Variants in SPECC1L observed in about 807,000 individuals in gnomAD.
SPECC1L encodes the protein sperm antigen with calponin homology and coiled-coil domains 1 like.
A neutral mutation model predicts 116.8 loss-of-function variants in SPECC1L; 40 were observed. The ratio of observed to expected loss-of-function variants is 0.34; its 90% CI spans 0.27 to 0.45. SPECC1L has a LOEUF of 0.45. Among genes scored for constraint, SPECC1L ranks in the 20% least tolerant of loss-of-function variants. The pLI is 1.00. For synonymous variants in SPECC1L, 504 were observed against 500.6 expected, an observed-to-expected ratio of 1.01 and a Z score of -0.09; for missense variants, 1,110 against 1,373.6, an observed-to-expected ratio of 0.81 and a Z score of 3.03.
intron 14 of SPECC1L, among the ~76,000 whole-genome samples, chr22:24,393,338 G>A (rs1383869988): frequency 6.6e-6 from 1 of 152,198 alleles, no homozygotes; most frequent in Admixed American, 6.5e-5. Context: ...GGCAATATGA[G>A]GGTGAGATTA....
At chr22:24,413,893 G>A (rs1420873969) in intron 16 of SPECC1L, among the ~76,000 whole-genome samples, 1 of 152,114 alleles carries the variant, frequency 6.6e-6, no homozygotes, top group Non-Finnish European at 1.5e-5. Flanking sequence ...GGCCCCTTGG[G>A]TCACTCCCCG....
chr22:24,349,051 G>GT (rs1360664292), intron 11 of SPECC1L, among the ~76,000 whole-genome samples: 1 of 146,866 alleles, frequency 6.8e-6, no homozygotes, highest in East Asian at 2.0e-4. Flanking sequence ...TTTTTTCTTT[G>GT]TTTTTTTGAG....
chr22:24,383,873 G>A (rs998743334), intron 14 of SPECC1L, among the ~76,000 whole-genome samples: 2 of 133,268 alleles, frequency 1.5e-5, no homozygotes, highest in East Asian at 2.2e-4. Context: ...GGCTGGTCTC[G>A]AACTCCAGAC....
intron 4 of SPECC1L, among the ~76,000 whole-genome samples, chr22:24,317,013 G>A (rs1224750093): frequency 8.2e-6 from 1 of 122,628 alleles, no homozygotes; most frequent in Non-Finnish European, 1.8e-5. Flanking sequence ...CCTCCTGGAC[G>A]GGGCGGCTGG....
intron 2 of SPECC1L, among the ~76,000 whole-genome samples, chr22:24,300,422 C>A (rs1445908858): frequency 1.3e-5 from 2 of 152,104 alleles, no homozygotes; most frequent in Non-Finnish European, 2.9e-5. Flanking sequence ...CTATTGTAAA[C>A]AGTGCTGCAA....
chr22:24,276,496 A>T (rs1233679004), intron 1 of SPECC1L, among the ~76,000 whole-genome samples: 1 of 152,024 alleles, frequency 6.6e-6, no homozygotes, highest in Non-Finnish European at 1.5e-5. Flanking sequence ...TGCTGGACCC[A>T]GTGGTGCGCA....
intron 10 of SPECC1L, among the ~76,000 whole-genome samples, chr22:24,345,546 C>T (rs2041274436): frequency 6.6e-6 from 1 of 152,050 alleles, no homozygotes. Context: ...ATACATTTAC[C>T]TAACAAAGAT....
At chr22:24,339,988 T>C (rs1177918607) in intron 10 of SPECC1L, among the ~76,000 whole-genome samples, 1 of 152,102 alleles carries the variant, frequency 6.6e-6, no homozygotes, top group Non-Finnish European at 1.5e-5. Context: ...TTCTGCCACG[T>C]TGCCCAGGCT....
rs183441050 is a variant in SPECC1L, at chr22:24,386,485, T to G, written c.3087+17165T>G. Among the ~76,000 whole-genome samples, 309 of 152,110 alleles carry G rather than the reference T, an allele frequency of 2.0e-3. 1 individual carries two copies. The highest frequency in any genetic ancestry group is 6.8e-3 in the Middle Eastern group (2 of 294). On this transcript the variant is annotated intron_variant, in intron 14 of 16. Coordinates refer to ENST00000314328, the MANE Select transcript of SPECC1L (RefSeq NM_015330.6). ...AGGTATAAAATTGGAAAGAAAGAAA[T>G]AAAATTGTTTCCAGACATGAGTATG... is the stretch of plus-strand genomic sequence containing the variant.
chr22:24,323,495 T>C (rs1311642025), intron 5 of SPECC1L, among the ~76,000 whole-genome samples: 2 of 152,208 alleles, frequency 1.3e-5, no homozygotes, highest in Non-Finnish European at 2.9e-5. Context: ...TAGTGAGGAC[T>C]CAGTTGGAAC....
intron 2 of SPECC1L, among the ~76,000 whole-genome samples, chr22:24,279,100 A>G (rs1352898613): frequency 1.3e-5 from 2 of 152,202 alleles, no homozygotes; most frequent in African/African-American, 2.4e-5. Flanking sequence ...GGCCCATTCA[A>G]GAGTCTTGTT....
Position 24,276,673 on chromosome 22 carries a change from A to G in SPECC1L, c.-141-27A>G, listed in dbSNP as rs914406651. 33 of 405,866 alleles carry G rather than the reference A, an allele frequency of 8.1e-5. 1 individual carries two copies. The highest frequency in any genetic ancestry group is 5.4e-4 in the South Asian group (31 of 57,234). The allele number at this position is 405,866 out of a possible 1,614,324, so 25.1% of individuals were successfully genotyped here. ...GAAATATCTGCTAAAATTTAAAGCT[A>G]TTCTATTCTTCCTCTCTCTCTTCTA... On this transcript the variant is annotated intron_variant, in intron 1 of 16. Transcript: ENST00000314328.
intron 14 of SPECC1L, among the ~76,000 whole-genome samples, chr22:24,379,402 T>A (rs963202075): frequency 6.6e-6 from 1 of 151,536 alleles, no homozygotes; most frequent in African/African-American, 2.4e-5. Context: ...AAAAAAAAAA[T>A]TTACTTCCTC....
chr22:24,370,307 A>G (rs2041847762), intron 14 of SPECC1L, among the ~76,000 whole-genome samples: 1 of 152,220 alleles, frequency 6.6e-6, no homozygotes, highest in Non-Finnish European at 1.5e-5. Flanking sequence ...ATCATTGAGG[A>G]TTTACTAAGA....
At chr22:24,411,781 C>G (rs2042703745) in intron 15 of SPECC1L, 77 bp downstream of exon 15, 5 of 1,167,714 alleles carry the variant, frequency 4.3e-6, no homozygotes, top group Non-Finnish European at 5.1e-6. Flanking sequence ...GCACCTGCCT[C>G]AGCAGGTCAC....
At chr22:24,309,304 C>T (rs1004960287) in intron 3 of SPECC1L, among the ~76,000 whole-genome samples, 1 of 152,188 alleles carries the variant, frequency 6.6e-6, no homozygotes, top group African/African-American at 2.4e-5. Context: ...TACCTGGCTT[C>T]TACAGCCTAT....
intron 8 of SPECC1L, among the ~76,000 whole-genome samples, chr22:24,331,900 C>T (rs1434002587): frequency 6.6e-6 from 1 of 152,024 alleles, no homozygotes; most frequent in East Asian, 1.9e-4. Context: ...TTACTAAATC[C>T]CAGTCCTTGA....
intron 3 of SPECC1L, among the ~76,000 whole-genome samples, chr22:24,305,450 T>C (rs557139958): frequency 1.6e-4 from 25 of 152,208 alleles, no homozygotes; most frequent in Non-Finnish European, 3.5e-4. Context: ...TTTTTATGTG[T>C]GTCTGGTTTC....
intron 4 of SPECC1L, among the ~76,000 whole-genome samples, chr22:24,321,034 C>T (rs1188996387): frequency 6.6e-6 from 1 of 152,110 alleles, no homozygotes; most frequent in East Asian, 1.9e-4. Flanking sequence ...ATTCACATTC[C>T]ATAAAATTTA....
Sources: gnomAD v4.1 joint callset for allele counts (sites outside exome capture counted in the v4.1 genomes callset) on GRCh38, gnomAD v4.1.1 for gene constraint, MANE v1.5 for transcripts, NCBI Gene and HGNC (gene_info 2026-07-23, HGNC 2026-07-21) for gene names.